Variants in LRRC53 observed in about 807,000 individuals in gnomAD.
LRRC53 encodes leucine rich repeat containing 53.
In LRRC53, 25 loss-of-function variants were observed where a neutral mutation model predicts 13.6. That is an observed-to-expected ratio of 1.83 (90% CI 1.34 to 2.56). The LOEUF (loss-of-function observed/expected upper bound fraction) is 2.56. Among genes scored for constraint, LRRC53 ranks in the 30% most tolerant of loss-of-function variants. The pLI, the probability that LRRC53 is intolerant of heterozygous loss-of-function variation, is 0.00. For missense variants in LRRC53, 527 were observed against 275.8 expected (o/e 1.91, Z -6.45); for synonymous variants, 204 against 109.8 (o/e 1.86, Z -5.37).
chr1:74,483,796 T>G (rs538850021), intron 1 of LRRC53, among the ~76,000 whole-genome samples: 2 of 152,242 alleles, frequency 1.3e-5, no homozygotes, highest in East Asian at 3.9e-4. Context: ...CTTTTAACTT[T>G]CAATCCAGTG....
chr1:74,509,246 AT>A (rs1670060055), intron 1 of LRRC53, among the ~76,000 whole-genome samples: 1 of 152,172 alleles, frequency 6.6e-6, no homozygotes, highest in Non-Finnish European at 1.5e-5. Flanking sequence ...TCAAGTTGCC[AT>A]TTGGAATAAC....
intron 1 of LRRC53, chr1:74,489,232 GTC>G (rs1668919383): frequency 6.2e-7 from 1 of 1,611,884 alleles, no homozygotes; most frequent in African/African-American, 1.3e-5. Flanking sequence ...TTAGAAGAGT[GTC>G]TCTGCAACAT....
Position 74,475,295 on chromosome 1 carries a change from C to G in LRRC53, c.1420G>C (p.Asp474His). ...TLQHHIIRTE[D>H]ISSDIFRRRY... ...ATTTTCTAAAACAAGACAAACTCAC[C>G]TTCTGTTCTTATTATATGGTGTTGC... is the stretch of plus-strand genomic sequence containing the variant. The change falls in exon 4 of 5, where the codon GAT becomes CAT. Residue 474 changes from aspartate to histidine, a missense_variant and splice_region_variant. Asp to His is a moderately conservative substitution (Grantham distance 81). Coordinates refer to ENST00000294635, the MANE Select transcript of LRRC53 (RefSeq NM_001382280.1). 1 of 645,264 alleles carries G rather than the reference C, an allele frequency of 1.5e-6. No individual in the cohort carries two copies. The highest frequency in any genetic ancestry group is 1.8e-5 in the South Asian group (1 of 55,136). 40.0% of individuals were successfully genotyped at this position (645,264 alleles called of 1,614,324 possible).
At chr1:74,512,305 G>C (rs970107706) in intron 1 of LRRC53, among the ~76,000 whole-genome samples, 2 of 152,136 alleles carry the variant, frequency 1.3e-5, no homozygotes. Flanking sequence ...GCTCCACCTT[G>C]AACCCAAGAT....
chr1:74,514,735 T>TA (rs1646323888), upstream of LRRC53, among the ~76,000 whole-genome samples: 1 of 152,030 alleles, frequency 6.6e-6, no homozygotes, highest in African/African-American at 2.4e-5. Flanking sequence ...GAACTCATGA[T>TA]AAAAAACAAG....
chr1:74,477,805 A>G (rs1275791190), intron 3 of LRRC53, among the ~76,000 whole-genome samples: 2 of 152,270 alleles, frequency 1.3e-5, no homozygotes, highest in African/African-American at 4.8e-5. Flanking sequence ...AGACGTTTGA[A>G]TTTTCTTTGC....
At chr1:74,522,758 A>T in the LRRC53 span, among the ~76,000 whole-genome samples, 2 of 152,174 alleles carry the variant, frequency 1.3e-5, no homozygotes, top group African/African-American at 4.8e-5. Context: ...TCAAATCTGG[A>T]TTAAAACTGG....
In LRRC53 at chr1:74,480,909, T is replaced by C; in HGVS notation, c.148A>G (p.Ser50Gly). The change falls in exon 3 of 5, where the codon AGC becomes GGC. Residue 50 changes from serine (S) to glycine (G), a missense_variant. Ser to Gly is a moderately conservative substitution (Grantham distance 56). Transcript: ENST00000294635. ...ITDGYLSSIE[S>G]TNLSLLFNLA... ...TTAAACAAGAGAGACAGGTTTGTGC[T>C]CTCAATAGAGGAGAGATATCCATCG... 1.4e-6 allele frequency: 1 copy of C among 717,324 alleles called. No homozygotes were observed. 44.4% of individuals were successfully genotyped at this position (717,324 alleles called of 1,614,324 possible). A position where few individuals can be genotyped will look rare whatever the true frequency, so the allele number is the denominator to read the frequency against.
At chr1:74,477,223 T>G (rs956133938) in intron 3 of LRRC53, among the ~76,000 whole-genome samples, 1 of 152,158 alleles carries the variant, frequency 6.6e-6, no homozygotes, top group Admixed American at 6.6e-5. Flanking sequence ...GTAAGAAAAC[T>G]CAAGATTCAA....
chr1:74,491,360 C>T (rs1217463928), intron 1 of LRRC53, among the ~76,000 whole-genome samples: 1 of 152,224 alleles, frequency 6.6e-6, no homozygotes, highest in Admixed American at 6.5e-5. Context: ...GCTGGGACTA[C>T]AGGTGCGTGC....
At chr1:74,518,541 A>G in the LRRC53 span, among the ~76,000 whole-genome samples, 2 of 152,068 alleles carry the variant, frequency 1.3e-5, no homozygotes, top group African/African-American at 4.8e-5. Context: ...TATGGTTCCC[A>G]CTGCTTACAG....
the LRRC53 span, among the ~76,000 whole-genome samples, chr1:74,534,364 CT>C: frequency 6.6e-6 from 1 of 152,162 alleles, no homozygotes; most frequent in East Asian, 1.9e-4. Flanking sequence ...CTGAAGTCTT[CT>C]TTGGAATGCA....
chr1:74,523,165 C>G, the LRRC53 span, among the ~76,000 whole-genome samples: 173 of 152,238 alleles, frequency 1.1e-3, no homozygotes, highest in African/African-American at 3.9e-3. Flanking sequence ...TTCAAGAAAA[C>G]AATATATATA....
chr1:74,525,544 C>CA, the LRRC53 span, among the ~76,000 whole-genome samples: 4 of 152,154 alleles, frequency 2.6e-5, no homozygotes, highest in Non-Finnish European at 4.4e-5. Flanking sequence ...TCAGTTCAAC[C>CA]AAATTTATTT....
chr1:74,471,514 G>T lies in LRRC53; in HGVS notation c.2108C>A (p.Thr703Asn), dbSNP rs1667931975. Residue 703 changes from threonine to asparagine, a missense_variant, in exon 5 of 5, where the codon ACC becomes AAC. By Grantham distance (65) the Thr-to-Asn change is moderately conservative (BLOSUM62 0). Transcript: ENST00000294635. ...TTTCCCTTTGAGGTCAGACTGAGGGGTTCTCTTCCTTTTCAGAACCCATGA... is the reference window on the plus strand; with the variant it reads ...TTTCCCTTTGAGGTCAGACTGAGGGTTTCTCTTCCTTTTCAGAACCCATGA... ...TNSWVLKRKR[T>N]PQSDLKGKIK... 1 of 400,536 alleles carries T rather than the reference G, an allele frequency of 2.5e-6. No homozygotes were observed. Among genetic ancestry groups the T allele is most frequent in the Non-Finnish European group, 4.4e-6 (1 of 226,128 alleles). 24.8% of individuals were successfully genotyped at this position (400,536 alleles called of 1,614,324 possible).
chr1:74,477,801 T>C (rs1011608674), intron 3 of LRRC53, among the ~76,000 whole-genome samples: 5 of 152,208 alleles, frequency 3.3e-5, no homozygotes, highest in Non-Finnish European at 7.3e-5. Flanking sequence ...AAGAAGACGT[T>C]TGAATTTTCT....
At chr1:74,524,592 T>C in the LRRC53 span, among the ~76,000 whole-genome samples, 29 of 152,302 alleles carry the variant, frequency 1.9e-4, no homozygotes, top group Admixed American at 1.5e-3. Context: ...CTAAGAGCAA[T>C]GGGCATACTT....
chr1:74,504,945 C>T (rs1188755707), intron 1 of LRRC53, among the ~76,000 whole-genome samples: 1 of 152,054 alleles, frequency 6.6e-6, no homozygotes, highest in Non-Finnish European at 1.5e-5. Context: ...GAAGATTCGC[C>T]GGAGGCAAAC....
the LRRC53 span, among the ~76,000 whole-genome samples, chr1:74,521,958 C>A: frequency 6.6e-6 from 1 of 152,114 alleles, no homozygotes; most frequent in African/African-American, 2.4e-5. Flanking sequence ...TGTTGTTAAT[C>A]TTCTAAACAG....
Sources: allele counts gnomAD v4.1 joint callset (sites outside exome capture counted in the v4.1 genomes callset), GRCh38; gene constraint gnomAD v4.1.1; transcripts MANE v1.5; gene names NCBI Gene and HGNC (gene_info 2026-07-23, HGNC 2026-07-21).